PCDHA13: variants seen among roughly 807,000 people sequenced by gnomAD.
PCDHA13 encodes the protein protocadherin alpha-13.
Under a neutral mutation model 64.8 loss-of-function variants are expected in PCDHA13, and 54 were observed. The observed-to-expected ratio is 0.83, with a 90% CI of 0.67 to 1.04. The LOEUF (loss-of-function observed/expected upper bound fraction) is 1.04. Among genes scored for constraint, PCDHA13 ranks in the 50% least tolerant of loss-of-function variants. PCDHA13 has a pLI of 0.00. For synonymous variants in PCDHA13, 587 were observed against 564.4 expected (o/e 1.04, Z -0.57); for missense variants, 1,248 against 1,254.3 (o/e 0.99, Z 0.08).
At chr5:140,924,894 CAAAAAA>C (rs782133089) in intron 1 of PCDHA13, among the ~76,000 whole-genome samples, 79 of 71,496 alleles carry the variant, frequency 1.1e-3, no homozygotes, top group African/African-American at 2.7e-3. Flanking sequence ...GAACCTGTCT[CAAAAAA>C]AAAAATAAAA....
chr5:140,948,839 G>A (rs2094310723), intron 1 of PCDHA13, among the ~76,000 whole-genome samples: 1 of 151,152 alleles, frequency 6.6e-6, no homozygotes, highest in African/African-American at 2.4e-5. Flanking sequence ...GCTTTTGTCT[G>A]TATTATTTGC....
At chr5:140,989,007 A>C (rs1356295875) in intron 3 of PCDHA13, 1 of 152,216 alleles carries the variant, frequency 6.6e-6, no homozygotes, top group Non-Finnish European at 1.5e-5. Flanking sequence ...ATAGAGACTT[A>C]TTATAGTTTC....
At chr5:140,888,613 A>C (rs782529480) in intron 1 of PCDHA13, among the ~76,000 whole-genome samples, 4 of 152,184 alleles carry the variant, frequency 2.6e-5, no homozygotes, top group Non-Finnish European at 5.9e-5. Flanking sequence ...TTAGTGTAGC[A>C]CTAATTCGGC....
At chr5:140,885,291 G>A (rs1554182107) in intron 1 of PCDHA13, among the ~76,000 whole-genome samples, 6 of 152,132 alleles carry the variant, frequency 3.9e-5, no homozygotes, top group Non-Finnish European at 8.8e-5. Context: ...TATATAGAGA[G>A]AGACCTGGTA....
At chr5:140,898,321 G>A (rs370229202) in intron 1 of PCDHA13, among the ~76,000 whole-genome samples, 42 of 152,060 alleles carry the variant, frequency 2.8e-4, no homozygotes, top group Non-Finnish European at 1.2e-4. Flanking sequence ...TTATGGTTTT[G>A]GGTCTAACGT....
chr5:140,969,125 C>T (rs2096298194), intron 1 of PCDHA13: 3 of 1,614,152 alleles, frequency 1.9e-6, no homozygotes, highest in East Asian at 2.2e-5. Flanking sequence ...GAATGGCTCC[C>T]TCACCAAGAC....
rs114930676 is a variant in PCDHA13 at position 140,999,076 on chromosome 5, C to G, written c.2543-10551C>G. ...CATGCCTAAGTAGTCTCCTTCACTT[C>G]CTCCTTCAGAGGGCTATGGAGAGTA... On this transcript the variant is annotated intron_variant, in intron 3 of 3. Transcript: ENST00000289272. Among the ~76,000 whole-genome samples the G allele has an allele frequency of 3.3e-3, 503 of 152,332 alleles. 4 individuals are homozygous for G. The highest frequency in any genetic ancestry group is 0.011 in the African/African-American group (469 of 41,568).
intron 1 of PCDHA13, among the ~76,000 whole-genome samples, chr5:140,926,001 C>A (rs782316154): frequency 3.3e-5 from 5 of 152,302 alleles, no homozygotes; most frequent in Middle Eastern, 3.4e-3. Flanking sequence ...TCCGCTGCCT[C>A]GAAAAGCCAG....
At chr5:140,887,976 TA>T (rs1462545504) in intron 1 of PCDHA13, among the ~76,000 whole-genome samples, 1 of 152,256 alleles carries the variant, frequency 6.6e-6, no homozygotes, top group African/African-American at 2.4e-5. Context: ...TTTTAAAATT[TA>T]TTTTACATGT....
intron 1 of PCDHA13, among the ~76,000 whole-genome samples, chr5:140,899,512 G>C (rs4386771): frequency 0.046 from 7,065 of 152,150 alleles, 285 homozygotes; most frequent in African/African-American, 0.11. Flanking sequence ...TGCATATATT[G>C]CATCCCAGGG....
At chr5:141,002,485 C>T (rs1287282223) in intron 3 of PCDHA13, among the ~76,000 whole-genome samples, 2 of 152,154 alleles carry the variant, frequency 1.3e-5, no homozygotes, top group Non-Finnish European at 2.9e-5. Flanking sequence ...AAAGGATGAC[C>T]TTGTTATACA....
At chr5:140,920,474 GT>G (rs1407391996) in intron 1 of PCDHA13, among the ~76,000 whole-genome samples, 1 of 152,008 alleles carries the variant, frequency 6.6e-6, no homozygotes, top group Non-Finnish European at 1.5e-5. Flanking sequence ...ATTTCTGTAT[GT>G]TTTTGGTCCA....
chr5:140,993,012 C>G (rs1307637137), intron 3 of PCDHA13, among the ~76,000 whole-genome samples: 2 of 152,198 alleles, frequency 1.3e-5, no homozygotes, highest in Admixed American at 1.3e-4. Context: ...CCCCAGAGTC[C>G]AGCATCCCCT....
In PCDHA13 at chr5:140,990,889, G is replaced by A. The variant is rs569864202; in HGVS notation, c.2542+8326G>A. Among the ~76,000 whole-genome samples, 53 of 152,284 alleles carry A rather than the reference G, an allele frequency of 3.5e-4. 2 individuals are homozygous for A. The South Asian group carries it at 8.3e-3, about 24-fold the overall frequency. Reference sequence around the variant, plus strand: ...TTTAAGTGTATGTTCCAGTGAGTGGGTCGTTGCTGGGTCAAGTTTTATAAG... The same window carrying A: ...TTTAAGTGTATGTTCCAGTGAGTGGATCGTTGCTGGGTCAAGTTTTATAAG... On this transcript the variant is annotated intron_variant, in intron 3 of 3. Transcript: ENST00000289272.
chr5:140,963,680 T>G (rs1482854996), intron 1 of PCDHA13, among the ~76,000 whole-genome samples: 1 of 152,238 alleles, frequency 6.6e-6, no homozygotes, highest in African/African-American at 2.4e-5. Context: ...TTAAATGTGT[T>G]TATCCGTGTT....
intron 1 of PCDHA13, among the ~76,000 whole-genome samples, chr5:140,906,614 TTTG>T (rs1448753363): frequency 6.6e-6 from 1 of 152,208 alleles, no homozygotes; most frequent in Non-Finnish European, 1.5e-5. Flanking sequence ...CTGTATTCCC[TTTG>T]CCTTCAGCAA....
intron 1 of PCDHA13, chr5:140,928,543 A>G: frequency 6.2e-7 from 1 of 1,614,204 alleles, no homozygotes; most frequent in Non-Finnish European, 8.5e-7. Context: ...TAGGAATGAC[A>G]ATTATCCGGT....
chr5:140,927,213 G>C (rs1384969721), intron 1 of PCDHA13: 11 of 1,614,000 alleles, frequency 6.8e-6, no homozygotes, highest in Non-Finnish European at 9.3e-6. Flanking sequence ...CGCTGGAGCT[G>C]CACAAGATTC....
intron 1 of PCDHA13, chr5:140,966,883 T>A (rs155364): frequency 0.52 from 832,487 of 1,587,228 alleles, 220,297 homozygotes; most frequent in African/African-American, 0.71. Flanking sequence ...TACCTGGCCC[T>A]GCGGCCTCCC....
Sources: allele counts gnomAD v4.1 joint callset (sites outside exome capture counted in the v4.1 genomes callset), GRCh38; gene constraint gnomAD v4.1.1; transcripts MANE v1.5; gene names NCBI Gene and HGNC (gene_info 2026-07-23, HGNC 2026-07-21).